Variants in FAM120C observed in about 807,000 individuals in gnomAD.
FAM120C encodes family with sequence similarity 120 member C, also known as constitutive coactivator of PPAR-gamma-like protein 2.
A neutral mutation model predicts 71.2 loss-of-function variants in FAM120C; 14 were observed. The ratio of observed to expected loss-of-function variants is 0.20; its 90% CI spans 0.13 to 0.31. FAM120C has a LOEUF of 0.31. Among genes scored for constraint, FAM120C ranks in the 10% least tolerant of loss-of-function variants. The pLI, the probability that FAM120C is intolerant of heterozygous loss-of-function variation, is 1.00. For missense variants in FAM120C, 500 were observed against 879.0 expected, an observed-to-expected ratio of 0.57 and a Z score of 5.45; for synonymous variants, 354 against 353.2, an observed-to-expected ratio of 1.00 and a Z score of -0.03.
chrX:54,173,624 T>G (rs1439747801), intron 1 of FAM120C, among the ~76,000 whole-genome samples: 4 of 112,736 alleles, frequency 3.5e-5, no homozygotes, highest in Non-Finnish European at 3.7e-5. Flanking sequence ...CACATTTTAT[T>G]TAGACGTATA....
At chrX:54,097,669 T>G (rs2066858984) in intron 10 of FAM120C, among the ~76,000 whole-genome samples, 1 of 111,949 alleles carries the variant, frequency 8.9e-6, no homozygotes, top group African/African-American at 3.2e-5. Flanking sequence ...TCACAGTTAC[T>G]GATCTTCTCC....
intron 6 of FAM120C, 98 bp from the exon 7 acceptor site, chrX:54,135,209 G>T: frequency 1.3e-6 from 1 of 795,997 alleles, no homozygotes; most frequent in Non-Finnish European, 1.8e-6. Flanking sequence ...GCCAGCAGTG[G>T]AGATTGTTGA....
chrX:54,079,751 C>T (rs782509325), intron 15 of FAM120C, among the ~76,000 whole-genome samples: 2 of 108,165 alleles, frequency 1.8e-5, no homozygotes, highest in South Asian at 4.1e-4. Context: ...GAGCTGAGAT[C>T]GTGCAATTGC....
intron 13 of FAM120C, among the ~76,000 whole-genome samples, chrX:54,082,120 T>C (rs1321473982): frequency 9.6e-6 from 1 of 104,471 alleles, no homozygotes; most frequent in Non-Finnish European, 2.0e-5. Context: ...GAGGTGGAGG[T>C]TGCAGTGAGC....
chrX:54,077,442 G>C (rs782322417), intron 15 of FAM120C, among the ~76,000 whole-genome samples: 1 of 110,701 alleles, frequency 9.0e-6, no homozygotes, highest in South Asian at 3.8e-4. Flanking sequence ...CTATAATCCC[G>C]GCACTTTGGG....
chrX:54,183,090 G>C lies in FAM120C; in HGVS notation c.109C>G (p.Gln37Glu). 12 of 1,156,628 alleles carry C rather than the reference G, an allele frequency of 1.0e-5. No individual in the cohort carries two copies. Among genetic ancestry groups the C allele is most frequent in the Non-Finnish European group, 1.4e-5 (12 of 871,422 alleles). ...ARTVSRQQQQ[Q>E]HLHRQLPPTA... ...GGCGGCAGCTGGCGGTGCAAGTGCT[G>C]CTGCTGCTGCTGGCGCGAGACCGTG... The change falls in exon 1 of 16, where the codon CAG (glutamine) becomes GAG (glutamate). Residue 37 changes from glutamine (Q) to glutamate (E), a missense_variant. Gln to Glu is a conservative substitution (Grantham distance 29). Around this residue, in one of 11 missense-constraint regions of FAM120C, gnomAD observed 79 missense variants for 78.3 expected, o/e 1.01. Coordinates refer to ENST00000375180, the MANE Select transcript of FAM120C (RefSeq NM_017848.6).
intron 1 of FAM120C, among the ~76,000 whole-genome samples, chrX:54,181,133 T>A (rs1557137344): frequency 1.8e-5 from 2 of 110,082 alleles, no homozygotes; most frequent in Admixed American, 9.7e-5. Flanking sequence ...AGAACGAGTC[T>A]AGCATGACTG....
intron 10 of FAM120C, among the ~76,000 whole-genome samples, chrX:54,109,074 C>T (rs2066921747): frequency 2.8e-5 from 1 of 35,793 alleles, no homozygotes; most frequent in African/African-American, 1.2e-4. Context: ...GCTCTACTCT[C>T]ACAGATGGGC....
chrX:54,163,296 C>G (rs782169194), intron 1 of FAM120C, among the ~76,000 whole-genome samples: 17 of 111,833 alleles, frequency 1.5e-4, no homozygotes, highest in African/African-American at 5.2e-4. Flanking sequence ...GATGAATGAA[C>G]AAAATGTGGT....
intron 1 of FAM120C, among the ~76,000 whole-genome samples, chrX:54,177,096 T>C (rs962723857): frequency 3.1e-4 from 35 of 111,189 alleles, no homozygotes; most frequent in African/African-American, 1.1e-3. Flanking sequence ...TAAGAAAATA[T>C]AGAATGGTTG....
At chrX:54,117,997 G>A in intron 9 of FAM120C, among the ~76,000 whole-genome samples, 1 of 111,467 alleles carries the variant, frequency 9.0e-6, no homozygotes, top group South Asian at 3.8e-4. Flanking sequence ...GCCGAGGCGG[G>A]CGGATCACCT....
At chrX:54,157,645 C>A in intron 3 of FAM120C, 44 bp downstream of exon 3, 1 of 928,675 alleles carries the variant, frequency 1.1e-6, no homozygotes, top group South Asian at 2.2e-5. Flanking sequence ...CAATCAAAAC[C>A]TCATATCCCC....
intron 1 of FAM120C, among the ~76,000 whole-genome samples, chrX:54,179,369 G>C (rs190966672): frequency 5.5e-4 from 62 of 112,141 alleles, no homozygotes; most frequent in African/African-American, 2.0e-3. Context: ...AAACCAAAGA[G>C]GGGAGAGATA....
chrX:54,176,147 T>C (rs894809460), intron 1 of FAM120C, among the ~76,000 whole-genome samples: 3 of 111,122 alleles, frequency 2.7e-5, no homozygotes, highest in African/African-American at 9.8e-5. Context: ...AAAGTAGAGA[T>C]TTAGGCCAGG....
chrX:54,172,070 T>C (rs1323697767), intron 1 of FAM120C, among the ~76,000 whole-genome samples: 1 of 112,669 alleles, frequency 8.9e-6, no homozygotes, highest in Admixed American at 9.4e-5. Flanking sequence ...CAAATGAGTT[T>C]CCCAAAGGCA....
chrX:54,073,340 C>G, intron 15 of FAM120C, 53 bp from the exon 16 acceptor site: 1 of 1,131,094 alleles, frequency 8.8e-7, no homozygotes, highest in Non-Finnish European at 1.2e-6. Flanking sequence ...CTGGCTGACC[C>G]TTCCTAAGCA....
rs1046894305 is a variant in FAM120C at position 54,070,111 on chromosome X, A to G, written c.*2922T>C. 1 of 111,943 alleles carries G rather than the reference A, an allele frequency of 8.9e-6. No individual in the cohort carries two copies. The highest frequency in any genetic ancestry group is 1.9e-5 in the Non-Finnish European group (1 of 53,190). The allele number at this position is 111,943 out of a possible 1,213,427, so 9.2% of individuals were successfully genotyped here. On this transcript the variant is annotated 3_prime_UTR_variant, in exon 16 of 16. Coordinates refer to ENST00000375180, the MANE Select transcript of FAM120C (RefSeq NM_017848.6). ...CCACAATTTGTCCTCCAATTAGAAA[A>G]AGTTCATCTCCCTGTAATGAACCTT...
At chrX:54,147,430 A>G (rs1424347039) in intron 4 of FAM120C, 1 of 111,961 alleles carries the variant, frequency 8.9e-6, no homozygotes, top group Non-Finnish European at 1.9e-5. Flanking sequence ...CGCTGCTGCT[A>G]CAGCTCTAAT....
chrX:54,109,984 G>A (rs2066927283), intron 10 of FAM120C, among the ~76,000 whole-genome samples: 1 of 103,357 alleles, frequency 9.7e-6, no homozygotes. Context: ...CAACATTATA[G>A]AAGTATAAGA....
Sources: gnomAD v4.1 joint callset for allele counts (sites outside exome capture counted in the v4.1 genomes callset) on GRCh38, gnomAD v4.1.1 for gene constraint, gnomAD v4.1.1 regional missense constraint, MANE v1.5 for transcripts, NCBI Gene and HGNC (gene_info 2026-07-23, HGNC 2026-07-21) for gene names.